Variants in TMEM233 observed in about 807,000 individuals in gnomAD.
TMEM233 encodes transmembrane protein 233.
In TMEM233, 6 loss-of-function variants were observed where a neutral mutation model predicts 11.2. The ratio of observed to expected loss-of-function variants is 0.54; its 90% CI spans 0.29 to 1.06. The LOEUF (loss-of-function observed/expected upper bound fraction) is 1.06, where lower values mean the gene tolerates loss of function less well. Ranked by LOEUF, TMEM233 falls within the 50% of genes least tolerant of loss-of-function variation. TMEM233 has a pLI of 0.08. For synonymous variants in TMEM233, 59 were observed against 55.8 expected (o/e 1.06, Z -0.26); for missense variants, 127 against 144.7 (o/e 0.88, Z 0.63).
At chr12:119,651,894 A>G in the TMEM233 span, among the ~76,000 whole-genome samples, 1 of 152,188 alleles carries the variant, frequency 6.6e-6, no homozygotes, top group Admixed American at 6.5e-5. Flanking sequence ...TTATTCTAAT[A>G]AATGAAAATT....
chr12:119,596,998 G>C (rs1652938549), intron 1 of TMEM233, among the ~76,000 whole-genome samples: 1 of 152,100 alleles, frequency 6.6e-6, no homozygotes, highest in African/African-American at 2.4e-5. Flanking sequence ...AAAACAAACA[G>C]AAATTCTAAA....
In TMEM233 at chr12:119,594,000, C is replaced by T; in HGVS notation, c.152C>T (p.Pro51Leu). 6.4e-7 allele frequency: 1 copy of T among 1,551,728 alleles called. No homozygotes were observed. The highest frequency in any genetic ancestry group is 1.2e-5 in the South Asian group (1 of 84,066). Residue 51 changes from proline (P) to leucine (L), a missense_variant, in exon 1 of 3, where the codon CCC (proline) becomes CTC (leucine). By Grantham distance (98) the Pro-to-Leu change is moderately conservative (BLOSUM62 -3). Coordinates refer to ENST00000426426, the MANE Select transcript of TMEM233 (RefSeq NM_001136534.3). The surrounding 1 kb of genome is among the most constrained non-coding windows in gnomAD (Gnocchi z 4.1). ...GTCTCGTGTTTTTGCCCTGCGTACC[C>T]CATCAACATCGTGGCTTTGGTCTTT... The part of the protein sequence containing the change: ...TIVSCFCPAY[P>L]INIVALVFSI...
the TMEM233 span, among the ~76,000 whole-genome samples, chr12:119,653,629 A>T: frequency 0.81 from 122,917 of 151,394 alleles, 50,148 homozygotes; most frequent in Middle Eastern, 0.86. Context: ...AAATTAAAAA[A>T]TTTTTTAAAA....
rs576958493 is a variant in TMEM233, at chr12:119,639,107, T to C, written c.324-1592T>C. On this transcript the variant is annotated intron_variant, in intron 2 of 2. Transcript: ENST00000426426. ...TCCCTCTGCCTGGAATTCTCTTCCT[T>C]CTAAAAGCCAAACAGCTGGTTCCCA... Among the ~76,000 whole-genome samples, 9 of 152,226 alleles carry C rather than the reference T, an allele frequency of 5.9e-5. No homozygotes were observed. In the South Asian group the frequency reaches 1.7e-3, roughly 28 times the overall value.
the TMEM233 span, among the ~76,000 whole-genome samples, chr12:119,649,037 C>T: frequency 1.3e-5 from 2 of 152,160 alleles, no homozygotes; most frequent in African/African-American, 4.8e-5. Context: ...GTGGCTCATG[C>T]CTGTAATCCC....
intron 2 of TMEM233, among the ~76,000 whole-genome samples, chr12:119,630,711 C>T (rs1390320907): frequency 2.0e-5 from 3 of 152,196 alleles, no homozygotes; most frequent in Admixed American, 2.0e-4. Context: ...CGACAAATGT[C>T]GCTTAGGCTT....
chr12:119,652,862 T>C, the TMEM233 span, among the ~76,000 whole-genome samples: 1 of 152,170 alleles, frequency 6.6e-6, no homozygotes, highest in South Asian at 2.1e-4. Flanking sequence ...TCAGTCTTTC[T>C]GTTGAAACCC....
intron 1 of TMEM233, among the ~76,000 whole-genome samples, chr12:119,618,520 C>T (rs1026873485): frequency 9.8e-5 from 15 of 152,330 alleles, no homozygotes; most frequent in African/African-American, 3.6e-4. Context: ...CCCTGCAAAG[C>T]CACAGGGGTG....
chr12:119,629,532 A>AG (rs1312061343), intron 1 of TMEM233, among the ~76,000 whole-genome samples: 1 of 152,212 alleles, frequency 6.6e-6, no homozygotes, highest in Non-Finnish European at 1.5e-5. Flanking sequence ...GGAAATACAG[A>AG]GGGGGCAGTT....
chr12:119,609,220 G>T (rs1202784119), intron 1 of TMEM233, among the ~76,000 whole-genome samples: 1 of 152,206 alleles, frequency 6.6e-6, no homozygotes, highest in Non-Finnish European at 1.5e-5. Context: ...AAAGAGACTG[G>T]ATGCATTTTA....
At position 119,617,272 on chromosome 12, in the gene TMEM233, A is replaced by G. The variant is rs549323767; in HGVS notation, c.187-12464A>G. Among the ~76,000 whole-genome samples, 18 of 152,326 alleles carry G rather than the reference A, an allele frequency of 1.2e-4. No individual in the cohort carries two copies. The South Asian group carries it at 3.3e-3, about 28-fold the overall frequency. On this transcript the variant is annotated intron_variant, in intron 1 of 2. Transcript: ENST00000426426. ...AGAGACTTGTTGAATGGCTTTGACC[A>G]AAATGCTGATAGTAATATGGACAAT...
In TMEM233 at chr12:119,629,810, C is replaced by T. The variant is rs973288311; in HGVS notation, c.261C>T (p.Ile87=). 8.4e-6 allele frequency: 13 copies of T among 1,551,570 alleles called. No homozygotes were observed. The highest frequency in any genetic ancestry group is 2.4e-5 in the East Asian group (1 of 40,928). ...RLGRNAKWVA[I]ASIIIGLLII... is the part of the protein sequence containing the mutation. ...GGCGGAATGCTAAGTGGGTAGCCAT[C>T]GCCTCCATCATCATTGGCCTTCTCA... The change falls in exon 2 of 3, where the codon ATC becomes ATT. Residue 87 remains isoleucine, a synonymous_variant. Coordinates refer to ENST00000426426, the MANE Select transcript of TMEM233 (RefSeq NM_001136534.3).
intron 2 of TMEM233, among the ~76,000 whole-genome samples, chr12:119,637,283 C>T (rs998444980): frequency 3.9e-5 from 6 of 152,170 alleles, no homozygotes; most frequent in Non-Finnish European, 8.8e-5. Context: ...GTTAAAAATG[C>T]TTGCTTGCCA....
Position 119,595,569 on chromosome 12 carries a change from GTCACTGC to G in TMEM233, c.186+1536_186+1542del, listed in dbSNP as rs1954027243. 6.6e-6 allele frequency among the ~76,000 whole-genome samples: 1 copy of G among 152,224 alleles called. No individual in the cohort carries two copies. Among genetic ancestry groups the G allele is most frequent in the South Asian group, 2.1e-4 (1 of 4,830 alleles). ...ACTTTCTAGCTGTGTGATCTCTGAA[GTCACTGC>G]ATCTCTGAACCTCAGTCTCTTTGTA... On this transcript the variant is annotated intron_variant, in intron 1 of 2. Coordinates refer to ENST00000426426, the MANE Select transcript of TMEM233 (RefSeq NM_001136534.3). The surrounding 1 kb of genome is among the most constrained non-coding windows in gnomAD (Gnocchi z 4.3).
At chr12:119,646,278 C>T (rs1021305376), downstream of TMEM233, among the ~76,000 whole-genome samples, 6 of 152,108 alleles carry the variant, frequency 3.9e-5, no homozygotes, top group East Asian at 1.9e-4. Flanking sequence ...GGGCTGGTCT[C>T]GAACTCCTGG....
chr12:119,618,365 G>A (rs932223673), intron 1 of TMEM233, among the ~76,000 whole-genome samples: 6 of 152,218 alleles, frequency 3.9e-5, no homozygotes, highest in Non-Finnish European at 7.3e-5. Context: ...CCCCACTGGG[G>A]CACTGCCTAG....
At chr12:119,640,036 G>A (rs371714992) in intron 2 of TMEM233, among the ~76,000 whole-genome samples, 3 of 152,200 alleles carry the variant, frequency 2.0e-5, no homozygotes, top group Non-Finnish European at 4.4e-5. Context: ...AGAGAAAAAC[G>A]CCTGGAGAAC....
chr12:119,647,297 C>T (rs374553156), downstream of TMEM233, among the ~76,000 whole-genome samples: 29 of 152,306 alleles, frequency 1.9e-4, no homozygotes, highest in South Asian at 5.0e-3. Flanking sequence ...TACTTTGCCT[C>T]GACAAGCAGG....
chr12:119,602,538 C>T (rs952546313), intron 1 of TMEM233, among the ~76,000 whole-genome samples: 1 of 152,194 alleles, frequency 6.6e-6, no homozygotes, highest in African/African-American at 2.4e-5. Flanking sequence ...AGTGTGTCAT[C>T]ATGGGAAGGC....
Sources: allele counts gnomAD v4.1 joint callset (sites outside exome capture counted in the v4.1 genomes callset), GRCh38; gene constraint gnomAD v4.1.1; non-coding constraint Gnocchi (gnomAD v3.1); transcripts MANE v1.5; gene names NCBI Gene and HGNC (gene_info 2026-07-23, HGNC 2026-07-21).